Variants in FXR1 observed in about 807,000 individuals in gnomAD.
FXR1 encodes the protein RNA-binding protein FXR1.
A neutral mutation model predicts 84.0 loss-of-function variants in FXR1; 15 were observed. That is an observed-to-expected ratio of 0.18 (90% CI 0.12 to 0.27). The LOEUF (loss-of-function observed/expected upper bound fraction) is 0.27, where lower values mean the gene tolerates loss of function less well. FXR1 is among the 10% of genes least tolerant of loss of function. FXR1 has a pLI of 1.00. For missense variants in FXR1, 480 were observed against 774.4 expected (o/e 0.62, Z 4.51); for synonymous variants, 245 against 250.7 (o/e 0.98, Z 0.21).
chr3:180,933,482 T>G, intron 2 of FXR1, 96 bp downstream of exon 2: 1 of 734,330 alleles, frequency 1.4e-6, no homozygotes. Context: ...AAAAATGATT[T>G]TGCTTTTAGG....
At chr3:180,963,259 A>G (rs900923748) in intron 13 of FXR1, among the ~76,000 whole-genome samples, 169 bp downstream of exon 13, 15 of 152,158 alleles carry the variant, frequency 9.9e-5, no homozygotes, top group African/African-American at 3.4e-4. Flanking sequence ...GATAGTATAC[A>G]TTAAAATGAC....
At chr3:180,958,446 G>A (rs879662032) in intron 10 of FXR1, among the ~76,000 whole-genome samples, 2 of 152,028 alleles carry the variant, frequency 1.3e-5, no homozygotes, top group African/African-American at 2.4e-5. Context: ...TTGCCTTTGC[G>A]TCTTCATAGC....
intron 1 of FXR1, among the ~76,000 whole-genome samples, chr3:180,915,950 T>C (rs766196215): frequency 1.3e-5 from 2 of 152,218 alleles, no homozygotes; most frequent in Non-Finnish European, 2.9e-5. Context: ...GTTAGAGATA[T>C]TAGAAACTTG....
chr3:180,951,456 A>G lies in FXR1; in HGVS notation c.789A>G (p.Arg263=). ...TAGATGAAGATACTGGAACATTCAGAATCTACGGAGAGGTAAGTTCTCTTT... is the reference window on the plus strand; with the variant it reads ...TAGATGAAGATACTGGAACATTCAGGATCTACGGAGAGGTAAGTTCTCTTT... ...IELDEDTGTF[R]IYGESADAVK... Residue 263 remains arginine (R), a synonymous_variant, in exon 8 of 17, where the codon AGA becomes AGG. Coordinates refer to ENST00000357559, the MANE Select transcript of FXR1 (RefSeq NM_005087.4). 4 of 1,611,194 alleles carry G rather than the reference A, an allele frequency of 2.5e-6. No homozygotes were observed.
chr3:180,941,863 G>A (rs767140871), intron 3 of FXR1, among the ~76,000 whole-genome samples: 16 of 151,974 alleles, frequency 1.1e-4, no homozygotes, highest in Non-Finnish European at 1.9e-4. Flanking sequence ...TTTCTAATGC[G>A]CATTTTCTTC....
intron 15 of FXR1, among the ~76,000 whole-genome samples, chr3:180,974,012 T>A (rs1713906436): frequency 6.6e-6 from 1 of 152,210 alleles, no homozygotes; most frequent in South Asian, 2.1e-4. Flanking sequence ...ATTCTTTACA[T>A]AATTAACTTG....
chr3:180,940,677 A>G (rs1721031841), intron 3 of FXR1, among the ~76,000 whole-genome samples: 1 of 151,388 alleles, frequency 6.6e-6, no homozygotes, highest in South Asian at 2.1e-4. Flanking sequence ...CCTGGGTTCA[A>G]GTGATTCTCC....
chr3:180,966,503 A>C (rs573705782), intron 13 of FXR1, among the ~76,000 whole-genome samples: 6 of 152,220 alleles, frequency 3.9e-5, no homozygotes, highest in Non-Finnish European at 8.8e-5. Context: ...CAGAGTTTAA[A>C]TATAGGGAAC....
At chr3:180,914,635 GTA>G in intron 1 of FXR1, 1 of 319,296 alleles carries the variant, frequency 3.1e-6, no homozygotes, top group Non-Finnish European at 4.5e-6. Context: ...GTTTCTCACG[GTA>G]TTTTTTTTTT....
At chr3:180,937,863 C>G (rs1403631615) in intron 3 of FXR1, among the ~76,000 whole-genome samples, 1 of 151,858 alleles carries the variant, frequency 6.6e-6, no homozygotes, top group Non-Finnish European at 1.5e-5. Flanking sequence ...CAAAGTAAAC[C>G]TTCCATCTTA....
chr3:180,946,088 A>G (rs933736777), intron 3 of FXR1, among the ~76,000 whole-genome samples: 1 of 152,184 alleles, frequency 6.6e-6, no homozygotes, highest in Admixed American at 6.5e-5. Context: ...TCTCTTCGCA[A>G]TTATGAGTGA....
chr3:180,979,088 G>T lies in FXR1; in HGVS notation c.*2796G>T, dbSNP rs1283028568. The T allele has an allele frequency of 6.6e-6, 1 of 152,142 alleles. No individual in the cohort carries two copies. The highest frequency in any genetic ancestry group is 1.5e-5 in the Non-Finnish European group (1 of 67,994). 9.4% of individuals were successfully genotyped at this position (152,142 alleles called of 1,614,324 possible). ...ACCTGAGATGATGCTGGGTTCCATT[G>T]CTGTTGTGCTAAGTCACGTATTTTT... On this transcript the variant is annotated 3_prime_UTR_variant, in exon 17 of 17. Transcript: ENST00000357559.
At position 180,977,352 on chromosome 3, in the gene FXR1, G is replaced by C. The variant is rs938342568; in HGVS notation, c.*1060G>C. On this transcript the variant is annotated 3_prime_UTR_variant, in exon 17 of 17. Coordinates refer to ENST00000357559, the MANE Select transcript of FXR1 (RefSeq NM_005087.4). ...ATCTTTACACAAGTTTAGGCTGTTA[G>C]ATGCATAGGTAATTAATAATACATG... The C allele has an allele frequency of 5.9e-5, 9 of 152,136 alleles. No homozygotes were observed. The highest frequency in any genetic ancestry group is 2.2e-4 in the African/African-American group (9 of 41,388). The allele number at this position is 152,136 out of a possible 1,614,324, so 9.4% of individuals were successfully genotyped here.
At chr3:180,926,678 C>T (rs1468737179) in intron 1 of FXR1, among the ~76,000 whole-genome samples, 7 of 151,476 alleles carry the variant, frequency 4.6e-5, no homozygotes, top group Admixed American at 3.9e-4. Context: ...TCAGGCTGTG[C>T]TGTTTCTGAT....
intron 1 of FXR1, among the ~76,000 whole-genome samples, chr3:180,916,985 C>A (rs1266620888): frequency 6.6e-6 from 1 of 152,122 alleles, no homozygotes; most frequent in East Asian, 1.9e-4. Flanking sequence ...CAGGGACGCA[C>A]CACCACGCCC....
intron 1 of FXR1, among the ~76,000 whole-genome samples, chr3:180,924,382 T>C (rs1311654060): frequency 1.3e-5 from 2 of 152,214 alleles, no homozygotes; most frequent in Non-Finnish European, 2.9e-5. Flanking sequence ...AGCGGATGCC[T>C]TATTGCATCG....
intron 13 of FXR1, among the ~76,000 whole-genome samples, chr3:180,963,966 A>G (rs1446848606): frequency 6.6e-6 from 1 of 152,180 alleles, no homozygotes; most frequent in Non-Finnish European, 1.5e-5. Flanking sequence ...TCCAAAATGT[A>G]AGGCATTTAA....
chr3:180,951,544 C>T (rs1722232806), intron 8 of FXR1, 76 bp downstream of exon 8: 3 of 1,064,734 alleles, frequency 2.8e-6, no homozygotes, highest in Non-Finnish European at 4.1e-6. Flanking sequence ...ATCTGAAATT[C>T]CAGTTTCCCA....
chr3:180,960,553 C>T (rs1160737166), intron 10 of FXR1, among the ~76,000 whole-genome samples: 2 of 152,136 alleles, frequency 1.3e-5, no homozygotes, highest in African/African-American at 4.8e-5. Flanking sequence ...GCAATCTCTG[C>T]CTCCCAGGCT....
Sources: gnomAD v4.1 joint callset for allele counts (sites outside exome capture counted in the v4.1 genomes callset) on GRCh38, gnomAD v4.1.1 for gene constraint, MANE v1.5 for transcripts, NCBI Gene and HGNC (gene_info 2026-07-23, HGNC 2026-07-21) for gene names.